Variants in PRKAG2 observed in about 807,000 individuals in gnomAD.
The protein encoded by PRKAG2 is protein kinase AMP-activated non-catalytic subunit gamma 2, also known as 5'-AMP-activated protein kinase subunit gamma-2.
In PRKAG2, 26 loss-of-function variants were observed where a neutral mutation model predicts 69.6. The ratio of observed to expected loss-of-function variants is 0.37; its 90% CI spans 0.27 to 0.52. The LOEUF (loss-of-function observed/expected upper bound fraction) is 0.52, where lower values mean the gene tolerates loss of function less well. PRKAG2 is among the 20% of genes least tolerant of loss of function. PRKAG2 has a pLI of 0.90. For missense variants in PRKAG2, 557 were observed against 740.0 expected (o/e 0.75, Z 2.87); for synonymous variants, 293 against 285.0 (o/e 1.03, Z -0.28).
rs886062100 is a variant in PRKAG2, at chr7:151,595,422, G to T, written c.787C>A (p.Arg263=). The change falls in exon 6 of 16, where the codon CGA becomes AGA. Residue 263 remains arginine (R), a synonymous_variant. Transcript: ENST00000287878. The part of the protein sequence containing the change: ...VEDSESGVYM[R]FMRSHKCYDI... ...TAACACTTGTGTGACCTCATGAATC[G>T]CATGTAAACACCACTTTCTGAGTCT... 1 of 1,613,816 alleles carries T rather than the reference G, an allele frequency of 6.2e-7. No homozygotes were observed. The highest frequency in any genetic ancestry group is 8.5e-7 in the Non-Finnish European group (1 of 1,179,890).
At chr7:151,560,496 T>C (rs1804685138) in intron 15 of PRKAG2, 28 bp downstream of exon 15, 3 of 1,613,988 alleles carry the variant, frequency 1.9e-6, no homozygotes, top group African/African-American at 2.7e-5. Context: ...TAGACGCCGA[T>C]GGCAAAGGTC....
chr7:151,572,747 T>C (rs1034273718), intron 8 of PRKAG2, 38 bp from the exon 9 acceptor site: 2 of 1,191,860 alleles, frequency 1.7e-6, no homozygotes, highest in Non-Finnish European at 2.4e-6. Context: ...AATATACATA[T>C]ACAACATAGA....
At chr7:151,762,232 G>A (rs748402828) in intron 3 of PRKAG2, among the ~76,000 whole-genome samples, 6 of 152,202 alleles carry the variant, frequency 3.9e-5, no homozygotes, top group Non-Finnish European at 8.8e-5. Context: ...CATGGTAGCC[G>A]AGGGCAGCAG....
chr7:151,795,759 C>T (rs1230093303), intron 1 of PRKAG2, among the ~76,000 whole-genome samples: 2 of 150,886 alleles, frequency 1.3e-5, no homozygotes, highest in Non-Finnish European at 3.0e-5. Flanking sequence ...GCAGCATCGA[C>T]TGCCTGAGCT....
At chr7:151,798,535 G>A (rs1189212809) in intron 1 of PRKAG2, among the ~76,000 whole-genome samples, 1 of 152,180 alleles carries the variant, frequency 6.6e-6, no homozygotes, top group African/African-American at 2.4e-5. Flanking sequence ...GGCTGGTCTT[G>A]AACTCCTGGG....
At chr7:151,660,205 T>C (rs895944964) in intron 4 of PRKAG2, among the ~76,000 whole-genome samples, 1 of 152,158 alleles carries the variant, frequency 6.6e-6, no homozygotes, top group African/African-American at 2.4e-5. Context: ...TCTTTAATTG[T>C]TAGACATAAT....
intron 5 of PRKAG2, among the ~76,000 whole-genome samples, chr7:151,612,668 C>T (rs1819147658): frequency 6.6e-6 from 1 of 152,238 alleles, no homozygotes; most frequent in African/African-American, 2.4e-5. Context: ...ACCAGCGTAC[C>T]CACCTCTGCC....
chr7:151,660,080 T>C (rs926077495), intron 4 of PRKAG2, among the ~76,000 whole-genome samples: 1 of 152,168 alleles, frequency 6.6e-6, no homozygotes, highest in Non-Finnish European at 1.5e-5. Flanking sequence ...ATTTCCACAA[T>C]TCATTCCTAC....
At chr7:151,845,945 C>G (rs1380354285) in intron 1 of PRKAG2, among the ~76,000 whole-genome samples, 1 of 152,154 alleles carries the variant, frequency 6.6e-6, no homozygotes, top group East Asian at 1.9e-4. Context: ...GGAACACAGA[C>G]GGGTGCTGTC....
At chr7:151,561,619 C>A (rs943842557) in intron 14 of PRKAG2, among the ~76,000 whole-genome samples, 1 of 152,196 alleles carries the variant, frequency 6.6e-6, no homozygotes, top group African/African-American at 2.4e-5. Context: ...AGGAAGGGAG[C>A]GGCGTTGCTA....
At chr7:151,713,641 G>A (rs1795673158) in intron 3 of PRKAG2, among the ~76,000 whole-genome samples, 1 of 150,150 alleles carries the variant, frequency 6.7e-6, no homozygotes, top group Non-Finnish European at 1.5e-5. Flanking sequence ...CCGGAGTGCA[G>A]TGGTGCGAAC....
chr7:151,733,429 G>A (rs933925660), intron 3 of PRKAG2, among the ~76,000 whole-genome samples: 9 of 152,168 alleles, frequency 5.9e-5, no homozygotes, highest in African/African-American at 2.2e-4. Flanking sequence ...AGAAGCGTAG[G>A]AGACAGGATG....
intron 1 of PRKAG2, among the ~76,000 whole-genome samples, chr7:151,800,080 G>A (rs574250044): frequency 6.6e-5 from 10 of 152,024 alleles, no homozygotes; most frequent in African/African-American, 2.2e-4. Flanking sequence ...CTCACGGGCC[G>A]GGTGCGGTGG....
chr7:151,758,669 G>A (rs2075244520), intron 3 of PRKAG2, among the ~76,000 whole-genome samples: 1 of 152,176 alleles, frequency 6.6e-6, no homozygotes. Context: ...GATAGACCTG[G>A]GGGGATGAGG....
At chr7:151,636,994 C>G (rs983924318) in intron 4 of PRKAG2, among the ~76,000 whole-genome samples, 3 of 152,210 alleles carry the variant, frequency 2.0e-5, no homozygotes, top group Admixed American at 6.5e-5. Flanking sequence ...CATGAGCCAC[C>G]ACACCTGGCC....
intron 1 of PRKAG2, among the ~76,000 whole-genome samples, chr7:151,818,869 AT>A (rs1403813209): frequency 2.6e-5 from 4 of 152,328 alleles, no homozygotes; most frequent in Non-Finnish European, 5.9e-5. Context: ...TTGGAACCTC[AT>A]TCCTATGACA....
chr7:151,563,192 C>A (rs183510372), intron 14 of PRKAG2, among the ~76,000 whole-genome samples: 32 of 152,306 alleles, frequency 2.1e-4, no homozygotes, highest in African/African-American at 7.0e-4. Flanking sequence ...ATACTGTACA[C>A]CCTTCTCCTA....
intron 3 of PRKAG2, among the ~76,000 whole-genome samples, chr7:151,750,768 C>T (rs1363758339): frequency 6.6e-6 from 1 of 151,888 alleles, no homozygotes; most frequent in Non-Finnish European, 1.5e-5. Context: ...GTCGTCCCAG[C>T]TACTAAGGAG....
chr7:151,715,068 T>C (rs1586000733), intron 3 of PRKAG2, among the ~76,000 whole-genome samples: 1 of 147,614 alleles, frequency 6.8e-6, no homozygotes, highest in South Asian at 2.1e-4. Flanking sequence ...CAGGCTGGAG[T>C]GCACTGGTGT....
Sources: allele counts gnomAD v4.1 joint callset (sites outside exome capture counted in the v4.1 genomes callset), GRCh38; gene constraint gnomAD v4.1.1; transcripts MANE v1.5; gene names NCBI Gene and HGNC (gene_info 2026-07-23, HGNC 2026-07-21).